The following TMEFF2 variants were observed in gnomAD, a reference collection of about 807,000 sequenced individuals.
TMEFF2 encodes the protein tomoregulin-2.
Under a neutral mutation model 53.8 loss-of-function variants are expected in TMEFF2, and 28 were observed. The ratio of observed to expected loss-of-function variants is 0.52; its 90% confidence interval spans 0.39 to 0.71. The LOEUF is 0.71. Ranked by LOEUF, TMEFF2 falls within the 30% of genes least tolerant of loss-of-function variation. The pLI, the probability that TMEFF2 is intolerant of heterozygous loss-of-function variation, is 0.00. For synonymous variants in TMEFF2, 162 were observed against 166.3 expected, an observed-to-expected ratio of 0.97 and a Z score of 0.20; for missense variants, 353 against 455.2, an observed-to-expected ratio of 0.78 and a Z score of 2.04.
rs773109446 is a variant in TMEFF2 at position 191,999,194 on chromosome 2, A to G, written c.551T>C (p.Ile184Thr). Residue 184 changes from isoleucine to threonine, a missense_variant, in exon 6 of 10, where the codon ATT (isoleucine) becomes ACT (threonine). By Grantham distance (89) the Ile-to-Thr change is moderately conservative. This residue lies in a region of TMEFF2 where 294 missense variants were observed against 397.3 expected (regional missense o/e 0.74). Transcript: ENST00000272771. ...DAEDVWCVCN[I>T]DCSQTNFNPL... ...ATTGAAGTTGGTTTGAGAACAGTCA[A>G]TATTACACACACACCTAAAAAAAGA... The G allele has an allele frequency of 3.1e-6, 5 of 1,604,904 alleles. No homozygotes were observed. Among genetic ancestry groups the G allele is most frequent in the African/African-American group, 2.7e-5 (2 of 74,716 alleles).
Position 192,068,681 on chromosome 2 carries a change from C to A in TMEFF2, c.440-10906G>T, listed in dbSNP as rs573439102. ...AACAAAATAAGGGCTTTATCCTTTTCTTTTAGTACTTGCCTACTATGGGCA... is the reference window on the plus strand; with the variant it reads ...AACAAAATAAGGGCTTTATCCTTTTATTTTAGTACTTGCCTACTATGGGCA... On this transcript the variant is annotated intron_variant, in intron 4 of 9. Transcript: ENST00000272771. 6.5e-4 allele frequency among the ~76,000 whole-genome samples: 98 copies of A among 151,884 alleles called. No homozygotes were observed. In the South Asian group the frequency reaches 0.012, roughly 19 times the overall value.
chr2:191,951,825 TG>T (rs1691893404), intron 9 of TMEFF2, among the ~76,000 whole-genome samples: 1 of 152,198 alleles, frequency 6.6e-6, no homozygotes, highest in Non-Finnish European at 1.5e-5. Flanking sequence ...ATACAGTTTA[TG>T]TGCTATGCCT....
chr2:192,129,169 T>A (rs1222456100), intron 4 of TMEFF2, among the ~76,000 whole-genome samples: 1 of 152,192 alleles, frequency 6.6e-6, no homozygotes, highest in East Asian at 1.9e-4. Context: ...CTAGGAATCC[T>A]GGGATCCTCG....
At chr2:192,110,999 T>G (rs1689262944) in intron 4 of TMEFF2, among the ~76,000 whole-genome samples, 1 of 152,176 alleles carries the variant, frequency 6.6e-6, no homozygotes. Context: ...TTGCCATGAT[T>G]GTGAGGCCTC....
chr2:192,180,422 C>T (rs1300359826), intron 3 of TMEFF2, among the ~76,000 whole-genome samples: 3 of 151,592 alleles, frequency 2.0e-5, no homozygotes, highest in African/African-American at 4.8e-5. Context: ...CCCAGAAACA[C>T]ACAAAATTTC....
chr2:192,121,255 GTCA>G (rs1419455707), intron 4 of TMEFF2, among the ~76,000 whole-genome samples: 2 of 152,150 alleles, frequency 1.3e-5, no homozygotes, highest in Non-Finnish European at 2.9e-5. Flanking sequence ...ATTGTAATTT[GTCA>G]GATGCCATAG....
intron 5 of TMEFF2, among the ~76,000 whole-genome samples, chr2:192,016,853 T>C (rs1686755939): frequency 6.6e-6 from 1 of 152,210 alleles, no homozygotes; most frequent in African/African-American, 2.4e-5. Context: ...TCAACAGATC[T>C]GTGCTGAATA....
intron 4 of TMEFF2, among the ~76,000 whole-genome samples, chr2:192,163,935 A>C (rs1690692233): frequency 1.3e-5 from 2 of 152,182 alleles, no homozygotes; most frequent in Admixed American, 6.6e-5. Flanking sequence ...ATGAGGATAG[A>C]CATGGCCCCC....
chr2:192,001,413 T>C (rs983086581), intron 5 of TMEFF2, among the ~76,000 whole-genome samples: 1 of 152,130 alleles, frequency 6.6e-6, no homozygotes, highest in Non-Finnish European at 1.5e-5. Context: ...ATTATATATA[T>C]ATACAGTGTA....
chr2:191,992,982 C>A (rs926569700), intron 7 of TMEFF2, among the ~76,000 whole-genome samples: 1 of 152,042 alleles, frequency 6.6e-6, no homozygotes, highest in African/African-American at 2.4e-5. Context: ...TTGCTGGATT[C>A]TGGAATTAGC....
chr2:192,014,701 T>C (rs1425471491), intron 5 of TMEFF2, among the ~76,000 whole-genome samples: 1 of 152,212 alleles, frequency 6.6e-6, no homozygotes, highest in African/African-American at 2.4e-5. Flanking sequence ...TATACTTGCA[T>C]CAAGACATCT....
At chr2:192,037,276 AG>A (rs1687325055) in intron 5 of TMEFF2, among the ~76,000 whole-genome samples, 1 of 106,714 alleles carries the variant, frequency 9.4e-6, no homozygotes, top group Non-Finnish European at 1.9e-5. Context: ...GCCAAAATAA[AG>A]AAAGAAAGAA....
At chr2:192,175,584 A>G (rs1691021757) in intron 4 of TMEFF2, among the ~76,000 whole-genome samples, 1 of 151,512 alleles carries the variant, frequency 6.6e-6, no homozygotes, top group African/African-American at 2.4e-5. Context: ...TCCAACAATA[A>G]CCTATTAAAG....
chr2:192,094,034 T>C (rs537965583), intron 4 of TMEFF2, among the ~76,000 whole-genome samples: 1 of 152,308 alleles, frequency 6.6e-6, no homozygotes, highest in South Asian at 2.1e-4. Flanking sequence ...TTCACAGTAT[T>C]AGCAGTAAAG....
intron 7 of TMEFF2, among the ~76,000 whole-genome samples, chr2:191,973,883 G>A (rs1692726074): frequency 6.6e-6 from 1 of 152,116 alleles, no homozygotes. Flanking sequence ...ACTTCTCCTT[G>A]CTGTCACCAT....
At chr2:192,013,175 A>G (rs1027186808) in intron 5 of TMEFF2, among the ~76,000 whole-genome samples, 1 of 152,120 alleles carries the variant, frequency 6.6e-6, no homozygotes, top group Non-Finnish European at 1.5e-5. Context: ...ACCGTGGTTC[A>G]TGAGGCCCTG....
intron 5 of TMEFF2, among the ~76,000 whole-genome samples, chr2:192,041,241 A>G (rs912176702): frequency 6.6e-6 from 1 of 152,218 alleles, no homozygotes; most frequent in Non-Finnish European, 1.5e-5. Context: ...TAGATTATAT[A>G]TATTTTTAAA....
intron 4 of TMEFF2, among the ~76,000 whole-genome samples, chr2:192,149,500 T>A (rs1690335426): frequency 6.6e-6 from 1 of 151,952 alleles, no homozygotes. Context: ...ATTAAAGACT[T>A]CTGGGGGATT....
chr2:191,973,290 A>T (rs1347404121), intron 7 of TMEFF2, among the ~76,000 whole-genome samples: 1 of 151,956 alleles, frequency 6.6e-6, no homozygotes, highest in Non-Finnish European at 1.5e-5. Context: ...TTATTAAATA[A>T]TATTATTATT....
Sources: gnomAD v4.1 joint callset for allele counts (sites outside exome capture counted in the v4.1 genomes callset) on GRCh38, gnomAD v4.1.1 for gene constraint, gnomAD v4.1.1 regional missense constraint, MANE v1.5 for transcripts, NCBI Gene and HGNC (gene_info 2026-07-23, HGNC 2026-07-21) for gene names.